The following NR1D2 variants were observed in gnomAD, a reference collection of about 807,000 sequenced individuals.
NR1D2 encodes the protein nuclear receptor subfamily 1 group D member 2.
In NR1D2, 25 loss-of-function variants were observed where a neutral mutation model predicts 52.2. The ratio of observed to expected loss-of-function variants is 0.48; its 90% confidence interval spans 0.35 to 0.67. The LOEUF is 0.67. NR1D2 is among the 30% of genes least tolerant of loss of function. The pLI is 0.01. For missense variants in NR1D2, 681 were observed against 707.2 expected, an observed-to-expected ratio of 0.96 and a Z score of 0.42; for synonymous variants, 259 against 230.1, an observed-to-expected ratio of 1.13 and a Z score of -1.14.
chr3:23,951,058 A>T (rs1270869436), intron 1 of NR1D2, among the ~76,000 whole-genome samples: 5 of 151,900 alleles, frequency 3.3e-5, no homozygotes, highest in African/African-American at 4.8e-5. Flanking sequence ...GGCATGCGCC[A>T]CCACACCTGG....
At chr3:23,945,875 A>T (rs1239704594) in intron 1 of NR1D2, among the ~76,000 whole-genome samples, 6 of 149,354 alleles carry the variant, frequency 4.0e-5, no homozygotes, top group East Asian at 2.0e-4. Context: ...CGCTGTGTTT[A>T]CGTTCGGCGG....
intron 1 of NR1D2, among the ~76,000 whole-genome samples, chr3:23,953,721 C>T (rs1461758798): frequency 6.6e-6 from 1 of 152,162 alleles, no homozygotes; most frequent in Non-Finnish European, 1.5e-5. Context: ...ACCTTATCTA[C>T]CATTCTAAAT....
intron 3 of NR1D2, among the ~76,000 whole-genome samples, chr3:23,957,438 C>T (rs1389500285): frequency 2.3e-5 from 3 of 131,150 alleles, no homozygotes; most frequent in Non-Finnish European, 3.1e-5. Flanking sequence ...AGTAATAGGC[C>T]AGGTGCGGTG....
chr3:23,962,867 A>G (rs1706319797), intron 5 of NR1D2, among the ~76,000 whole-genome samples: 1 of 152,206 alleles, frequency 6.6e-6, no homozygotes, highest in Admixed American at 6.5e-5. Flanking sequence ...AATATGATTC[A>G]TGCAGAATTG....
intron 7 of NR1D2, among the ~76,000 whole-genome samples, chr3:23,970,778 G>A (rs1559337751): frequency 6.6e-6 from 1 of 150,630 alleles, no homozygotes; most frequent in Non-Finnish European, 1.5e-5. Context: ...GTTGTTGTTT[G>A]TTTTTTTATT....
At chr3:23,955,835 A>G (rs980587372) in intron 2 of NR1D2, among the ~76,000 whole-genome samples, 1 of 149,956 alleles carries the variant, frequency 6.7e-6, no homozygotes, top group Admixed American at 6.6e-5. Context: ...AAACAAAACA[A>G]AGCAAAACAA....
Position 23,978,626 on chromosome 3 carries a change from T to G in NR1D2, c.*1207T>G, listed in dbSNP as rs1355946007. 6.6e-6 allele frequency: 1 copy of G among 152,150 alleles called. No individual in the cohort carries two copies. The highest frequency in any genetic ancestry group is 1.5e-5 in the Non-Finnish European group (1 of 68,008). 9.4% of individuals were successfully genotyped at this position (152,150 alleles called of 1,614,324 possible). ...TGCCCCTTATACACATGCTGCAGCTTGATGTTAAAGAATTTTTATTCTTTC... is the reference window on the plus strand; with the variant it reads ...TGCCCCTTATACACATGCTGCAGCTGGATGTTAAAGAATTTTTATTCTTTC... On this transcript the variant is annotated 3_prime_UTR_variant, in exon 8 of 8. Transcript: ENST00000312521.
intron 1 of NR1D2, among the ~76,000 whole-genome samples, chr3:23,947,205 G>C (rs972251639): frequency 6.6e-6 from 1 of 152,090 alleles, no homozygotes; most frequent in Non-Finnish European, 1.5e-5. Context: ...CCACCCTTTA[G>C]CATGAATTCT....
Position 23,954,738 on chromosome 3 carries a change from A to G in NR1D2, c.218A>G (p.Asp73Gly), listed in dbSNP as rs1706037539. The stretch of plus-strand genomic sequence containing the variant: ...GGCATCTTGAAGAATGATCGAATAG[A>G]TTGTTCTATGAAAACAAGCAAATCG... ...IEGILKNDRI[D>G]CSMKTSKSSA... The change falls in exon 2 of 8, where the codon GAT becomes GGT. Residue 73 changes from aspartate (D) to glycine (G), a missense_variant. Asp to Gly is a moderately conservative substitution (Grantham distance 94, BLOSUM62 -1). Transcript: ENST00000312521. 6.2e-7 allele frequency: 1 copy of G among 1,614,014 alleles called. No individual in the cohort carries two copies. Among genetic ancestry groups the G allele is most frequent in the Admixed American group, 1.7e-5 (1 of 60,010 alleles).
chr3:23,950,513 T>G (rs533884074), intron 1 of NR1D2, among the ~76,000 whole-genome samples: 2 of 152,384 alleles, frequency 1.3e-5, no homozygotes, highest in South Asian at 4.1e-4. Context: ...CTACTAGATG[T>G]ACTCCTTTTC....
intron 1 of NR1D2, chr3:23,946,481 C>T (rs566705336): frequency 2.6e-4 from 46 of 177,300 alleles, no homozygotes; most frequent in African/African-American, 9.3e-4. Context: ...AGCACCGCCC[C>T]TGTTAGGATG....
At chr3:23,967,309 A>G (rs763773732) in intron 6 of NR1D2, among the ~76,000 whole-genome samples, 2 of 151,814 alleles carry the variant, frequency 1.3e-5, no homozygotes, top group Non-Finnish European at 2.9e-5. Flanking sequence ...GGTGACAAGA[A>G]GAAAACTCCA....
chr3:23,947,793 A>G (rs561570125), intron 1 of NR1D2, among the ~76,000 whole-genome samples: 3 of 150,896 alleles, frequency 2.0e-5, no homozygotes, highest in East Asian at 4.1e-4. Context: ...AGTTTCTGCT[A>G]TCTATCAGTA....
Position 23,977,527 on chromosome 3 carries a change from A to G in NR1D2, c.*108A>G, listed in dbSNP as rs925832101. The G allele has an allele frequency of 1.5e-6, 1 of 661,988 alleles. No individual in the cohort carries two copies. Among genetic ancestry groups the G allele is most frequent in the Non-Finnish European group, 2.4e-6 (1 of 422,280 alleles). The allele number at this position is 661,988 out of a possible 1,614,324, so 41.0% of individuals were successfully genotyped here. ...GGAGATAGAAAAGACCTTTAAGACA[A>G]TAAAAGATTGTAGGCTATCTCTGTA... On this transcript the variant is annotated 3_prime_UTR_variant, in exon 8 of 8. Transcript: ENST00000312521.
intron 3 of NR1D2, among the ~76,000 whole-genome samples, chr3:23,959,425 A>G (rs145711786): frequency 7.9e-5 from 12 of 152,134 alleles, no homozygotes; most frequent in African/African-American, 2.9e-4. Context: ...AGAATCTCTG[A>G]AGGGAAGAAG....
intron 6 of NR1D2, among the ~76,000 whole-genome samples, chr3:23,966,213 C>A (rs1177008681): frequency 6.6e-6 from 1 of 152,154 alleles, no homozygotes; most frequent in Non-Finnish European, 1.5e-5. Context: ...ATCTTTGAAC[C>A]TTTTATGGAT....
In NR1D2 at chr3:23,962,471, A is replaced by G. The variant is rs753177677; in HGVS notation, c.1012A>G (p.Ile338Val). 13 of 1,614,198 alleles carry G rather than the reference A, an allele frequency of 8.1e-6. No homozygotes were observed. In the South Asian group the frequency reaches 1.2e-4, roughly 15 times the overall value. The stretch of plus-strand genomic sequence containing the variant: ...TTACCCAAATGGTCATGCCATTTGT[A>G]TTGCAAATGGACATTGTATGAACTT... ...MHYPNGHAIC[I>V]ANGHCMNFSN... is the part of the protein sequence containing the mutation. The change falls in exon 5 of 8, where the codon ATT becomes GTT. Residue 338 changes from isoleucine (I) to valine (V), a missense_variant. Ile to Val is a conservative substitution (Grantham distance 29). This residue lies in a region of NR1D2 where 475 missense variants were observed against 454.5 expected (regional missense o/e 1.05). Coordinates refer to ENST00000312521, the MANE Select transcript of NR1D2 (RefSeq NM_005126.5).
At chr3:23,960,025 G>T in intron 4 of NR1D2, 1 of 360,824 alleles carries the variant, frequency 2.8e-6, no homozygotes, top group Admixed American at 4.7e-5. Flanking sequence ...CTAAACTTCT[G>T]TTGTTGTTGC....
chr3:23,964,418 G>GT lies in NR1D2; in HGVS notation c.1147-553dup, dbSNP rs1706385627. Among the ~76,000 whole-genome samples, 4 of 152,058 alleles carry GT rather than the reference G, an allele frequency of 2.6e-5. No individual in the cohort carries two copies. In the South Asian group the frequency reaches 8.3e-4, roughly 32 times the overall value. On this transcript the variant is annotated intron_variant, in intron 5 of 7. Transcript: ENST00000312521. Reference sequence around the variant, plus strand: ...TTTCAACAAAATGAGGCACCTTGCTGTTTTTTCTTCTTGGAAATTACAACA... The same window carrying GT: ...TTTCAACAAAATGAGGCACCTTGCTGTTTTTTTCTTCTTGGAAATTACAACA...
Sources: allele counts gnomAD v4.1 joint callset (sites outside exome capture counted in the v4.1 genomes callset), GRCh38; gene constraint gnomAD v4.1.1; regional missense constraint gnomAD v4.1.1; transcripts MANE v1.5; gene names NCBI Gene and HGNC (gene_info 2026-07-23, HGNC 2026-07-21).